SLC1A1: variants seen among roughly 807,000 people sequenced by gnomAD.
The protein encoded by SLC1A1 is solute carrier family 1 member 1.
In SLC1A1, 43 loss-of-function variants were observed where a neutral mutation model predicts 53.3. That is an observed-to-expected ratio of 0.81 (90% CI 0.63 to 1.04). SLC1A1 has a LOEUF of 1.04. Ranked by LOEUF, SLC1A1 falls within the 50% of genes least tolerant of loss-of-function variation. SLC1A1 has a pLI of 0.00. For missense variants in SLC1A1, 748 were observed against 664.9 expected (o/e 1.12, Z -1.37); for synonymous variants, 307 against 243.2 (o/e 1.26, Z -2.44).
intron 1 of SLC1A1, among the ~76,000 whole-genome samples, chr9:4,525,493 A>C (rs1816226167): frequency 1.3e-5 from 2 of 152,166 alleles, no homozygotes; most frequent in Non-Finnish European, 2.9e-5. Context: ...TATGATCAAA[A>C]ATTACAAATT....
At chr9:4,541,404 GTTTGT>G (rs1326535775) in intron 1 of SLC1A1, among the ~76,000 whole-genome samples, 3 of 152,112 alleles carry the variant, frequency 2.0e-5, no homozygotes, top group Non-Finnish European at 4.4e-5. Context: ...AATTTAGTTC[GTTTGT>G]TTTCTTTTCC....
intron 1 of SLC1A1, among the ~76,000 whole-genome samples, chr9:4,529,867 C>CTTT (rs1816402338): frequency 6.6e-6 from 1 of 152,130 alleles, no homozygotes; most frequent in Non-Finnish European, 1.5e-5. Flanking sequence ...CAATAGTGTC[C>CTTT]TTTTGCTCAT....
rs746465299 is a variant in SLC1A1 at position 4,583,045 on chromosome 9, G to A, written c.1201G>A (p.Ala401Thr). 2.5e-6 allele frequency: 4 copies of A among 1,614,216 alleles called. No homozygotes were observed. In the South Asian group the frequency reaches 3.3e-5, roughly 13 times the overall value. ...IGQIITISIT[A>T]TSASIGAAGV... ...GCTGGTATGTTTCTGCAGTATCACG[G>A]CCACATCTGCCAGCATCGGAGCTGC... The change falls in exon 11 of 12, where the codon GCC (alanine) becomes ACC (threonine). Residue 401 changes from alanine to threonine, a missense_variant. Ala to Thr is a moderately conservative substitution (Grantham distance 58, BLOSUM62 0). Coordinates refer to ENST00000262352, the MANE Select transcript of SLC1A1 (RefSeq NM_004170.6). The surrounding 1 kb of genome is among the most constrained non-coding windows in gnomAD (Gnocchi z 4.6).
chr9:4,554,945 C>T (rs1313071871), intron 2 of SLC1A1, among the ~76,000 whole-genome samples: 1 of 152,218 alleles, frequency 6.6e-6, no homozygotes, highest in Non-Finnish European at 1.5e-5. Context: ...TAAGAACACA[C>T]TGTGTTCTGG....
intron 6 of SLC1A1, among the ~76,000 whole-genome samples, chr9:4,568,119 G>A (rs1819658852): frequency 6.6e-6 from 1 of 151,878 alleles, no homozygotes; most frequent in Admixed American, 6.6e-5. Context: ...TGCTGATTTC[G>A]CTGTTTGAAA....
intron 2 of SLC1A1, among the ~76,000 whole-genome samples, chr9:4,561,101 G>A (rs1221035433): frequency 6.6e-6 from 1 of 152,194 alleles, no homozygotes; most frequent in African/African-American, 2.4e-5. Context: ...CACAAGGGAT[G>A]TTGAATGATA....
At chr9:4,573,687 T>G (rs1820275977) in intron 7 of SLC1A1, among the ~76,000 whole-genome samples, 1 of 152,094 alleles carries the variant, frequency 6.6e-6, no homozygotes, top group Non-Finnish European at 1.5e-5. Flanking sequence ...TATGGTAGTT[T>G]GGATGGGTAG....
chr9:4,573,635 A>G (rs1331892525), intron 7 of SLC1A1, among the ~76,000 whole-genome samples: 1 of 152,126 alleles, frequency 6.6e-6, no homozygotes, highest in Non-Finnish European at 1.5e-5. Flanking sequence ...TGAGGTGCGC[A>G]CCCATCTAAC....
At chr9:4,574,301 C>T (rs1485104044) in intron 8 of SLC1A1, among the ~76,000 whole-genome samples, 1 of 152,208 alleles carries the variant, frequency 6.6e-6, no homozygotes, top group South Asian at 2.1e-4. Flanking sequence ...GAGAAACCCA[C>T]TCGTAGCCTC....
At chr9:4,580,410 G>A (rs1220263916) in intron 10 of SLC1A1, among the ~76,000 whole-genome samples, 2 of 151,712 alleles carry the variant, frequency 1.3e-5, no homozygotes, top group African/African-American at 2.4e-5. Flanking sequence ...GCGAGGCCCC[G>A]TCTCTACAAA....
At position 4,556,608 on chromosome 9, in the gene SLC1A1, G is replaced by T. The variant is rs1418587120; in HGVS notation, c.233-4841G>T. ...AACTCAGAACTAAAGGGCAAATGAG[G>T]TTTTACTTGTTTGGGACTAAGTTGG... On this transcript the variant is annotated intron_variant, in intron 2 of 11. Transcript: ENST00000262352. This position sits in a 1 kb window ranked among gnomAD's most constrained non-coding sequence, Gnocchi z 4.1. 1.3e-5 allele frequency among the ~76,000 whole-genome samples: 2 copies of T among 152,180 alleles called. No individual in the cohort carries two copies. The highest frequency in any genetic ancestry group is 2.9e-5 in the Non-Finnish European group (2 of 68,028).
chr9:4,528,805 A>G (rs960848219), intron 1 of SLC1A1, among the ~76,000 whole-genome samples: 1 of 152,026 alleles, frequency 6.6e-6, no homozygotes, highest in Non-Finnish European at 1.5e-5. Context: ...TCTTTGTGAC[A>G]CTGATACCCT....
At chr9:4,565,311 T>C (rs893950701) in intron 4 of SLC1A1, among the ~76,000 whole-genome samples, 3 of 152,204 alleles carry the variant, frequency 2.0e-5, no homozygotes. Context: ...ATAAAGAATT[T>C]GGGAACAAAT....
At chr9:4,560,337 A>G (rs1818815561) in intron 2 of SLC1A1, among the ~76,000 whole-genome samples, 1 of 152,256 alleles carries the variant, frequency 6.6e-6, no homozygotes, top group South Asian at 2.1e-4. Flanking sequence ...GTACAGCCAC[A>G]TGACAGATTA....
chr9:4,491,510 C>T (rs1820235951), intron 1 of SLC1A1, among the ~76,000 whole-genome samples: 2 of 152,228 alleles, frequency 1.3e-5, no homozygotes, highest in African/African-American at 4.8e-5. Context: ...TTAAGCCATC[C>T]TTGCCTGTTT....
chr9:4,576,237 G>C, intron 9 of SLC1A1, 114 bp downstream of exon 9: 1 of 1,014,524 alleles, frequency 9.9e-7, no homozygotes, highest in South Asian at 1.3e-5. Flanking sequence ...TTTGAGAAAT[G>C]ACCTCCGTAT....
chr9:4,574,147 C>A, intron 8 of SLC1A1, 133 bp downstream of exon 8: 1 of 729,382 alleles, frequency 1.4e-6, no homozygotes. Flanking sequence ...AGAGATAAGA[C>A]AGCAGGGGGA....
intron 10 of SLC1A1, among the ~76,000 whole-genome samples, chr9:4,577,474 T>C (rs1229484371): frequency 1.3e-5 from 2 of 152,202 alleles, no homozygotes; most frequent in Non-Finnish European, 2.9e-5. Context: ...ATTTGCATTT[T>C]ATGTATTTAT....
chr9:4,494,962 G>C (rs935819545), intron 1 of SLC1A1, among the ~76,000 whole-genome samples: 2 of 152,202 alleles, frequency 1.3e-5, no homozygotes, highest in Non-Finnish European at 2.9e-5. Flanking sequence ...ACATGACAGA[G>C]CTGGCAAGCT....
Sources: gnomAD v4.1 joint callset for allele counts (sites outside exome capture counted in the v4.1 genomes callset) on GRCh38, gnomAD v4.1.1 for gene constraint, Gnocchi (gnomAD v3.1) non-coding constraint, MANE v1.5 for transcripts, NCBI Gene and HGNC (gene_info 2026-07-23, HGNC 2026-07-21) for gene names.